THAP4: variants seen among roughly 807,000 people sequenced by gnomAD.
THAP4 encodes the protein THAP domain containing 4.
THAP4 carries 18 observed loss-of-function variants against 48.1 expected under a neutral mutation model. The ratio of observed to expected loss-of-function variants is 0.37; its 90% CI spans 0.26 to 0.56. The LOEUF (loss-of-function observed/expected upper bound fraction) is 0.56. Among genes scored for constraint, THAP4 ranks in the 20% least tolerant of loss-of-function variants. THAP4 has a pLI of 0.78. For missense variants in THAP4, 656 were observed against 774.9 expected (o/e 0.85, Z 1.82); for synonymous variants, 345 against 324.9 (o/e 1.06, Z -0.66).
chr2:241,602,381 T>G (rs1444655038), intron 4 of THAP4, among the ~76,000 whole-genome samples: 21 of 151,696 alleles, frequency 1.4e-4, no homozygotes, highest in Non-Finnish European at 2.7e-4. Context: ...TCTTTTTTTT[T>G]TGAGACAGAA....
intron 1 of THAP4, among the ~76,000 whole-genome samples, chr2:241,634,343 C>T (rs1421821005): frequency 1.3e-5 from 2 of 152,206 alleles, no homozygotes; most frequent in African/African-American, 4.8e-5. Context: ...AACTGCTCCC[C>T]AGGCTGTGGT....
At chr2:241,613,127 C>A (rs1038300215) in intron 2 of THAP4, among the ~76,000 whole-genome samples, 2 of 152,018 alleles carry the variant, frequency 1.3e-5, no homozygotes, top group Non-Finnish European at 2.9e-5. Context: ...TTCGACAGTG[C>A]AGGAATGGAG....
intron 3 of THAP4, 85 bp from the exon 4 acceptor site, chr2:241,603,164 G>A: frequency 9.0e-7 from 1 of 1,112,960 alleles, no homozygotes; most frequent in Admixed American, 1.9e-5. Context: ...TGTCCAGGGT[G>A]CCCTCCAGGT....
At chr2:241,605,467 C>T (rs1048814977) in intron 3 of THAP4, among the ~76,000 whole-genome samples, 9 of 152,176 alleles carry the variant, frequency 5.9e-5, no homozygotes, top group African/African-American at 2.2e-4. Context: ...CAACCACTCC[C>T]CATCCCTGGT....
intron 2 of THAP4, among the ~76,000 whole-genome samples, chr2:241,621,713 T>C (rs2067430979): frequency 6.6e-6 from 1 of 152,168 alleles, no homozygotes. Context: ...CAGAAGTATT[T>C]GAATTAACCA....
intron 5 of THAP4, 75 bp from the exon 6 acceptor site, chr2:241,584,800 C>G (rs568308625): frequency 1.9e-6 from 3 of 1,570,426 alleles, no homozygotes; most frequent in Non-Finnish European, 1.7e-6. Context: ...GCGCCCACTG[C>G]ATGCCACACA....
chr2:241,633,306 G>A lies in THAP4; in HGVS notation c.851C>T (p.Pro284Leu). 1.4e-5 allele frequency: 22 copies of A among 1,612,418 alleles called. No homozygotes were observed. The highest frequency in any genetic ancestry group is 1.9e-5 in the Non-Finnish European group (22 of 1,180,030). ...LGPDKGLAQS[P>L]PSSSLTATPQ... The stretch of plus-strand genomic sequence containing the variant: ...TGTCGCGGTAAGTGATGAGCTGGGA[G>A]GGCTCTGGGCCAGGCCCTTGTCGGG... The change falls in exon 2 of 6, where the codon CCT becomes CTT. Residue 284 changes from proline (P) to leucine (L), a missense_variant. This residue lies in a region of THAP4 where 391 missense variants were observed against 412.4 expected (regional missense o/e 0.95). Transcript: ENST00000407315. The surrounding 1 kb of genome is among the most constrained non-coding windows in gnomAD (Gnocchi z 7.5).
intron 2 of THAP4, among the ~76,000 whole-genome samples, chr2:241,620,792 C>T (rs1430819656): frequency 6.6e-6 from 1 of 152,024 alleles, no homozygotes; most frequent in Non-Finnish European, 1.5e-5. Context: ...TACGATGTTA[C>T]AATGGCTACA....
intron 2 of THAP4, among the ~76,000 whole-genome samples, chr2:241,619,859 TGAGGAG>T (rs2067397217): frequency 2.3e-5 from 1 of 43,918 alleles, no homozygotes; most frequent in African/African-American, 9.6e-5. Flanking sequence ...GAGGGGTGAG[TGAGGAG>T]TCGGTGAGTG....
At chr2:241,599,572 C>A (rs1421123238) in intron 5 of THAP4, among the ~76,000 whole-genome samples, 1 of 152,122 alleles carries the variant, frequency 6.6e-6, no homozygotes, top group Non-Finnish European at 1.5e-5. Flanking sequence ...ATGTACAAGA[C>A]CTGTATAATT....
rs373127738 is a variant in THAP4, at chr2:241,607,979, G to A, written c.1241-1506C>T. On this transcript the variant is annotated intron_variant, in intron 2 of 5. Coordinates refer to ENST00000407315, the MANE Select transcript of THAP4 (RefSeq NM_015963.6). The stretch of plus-strand genomic sequence containing the variant: ...AAGCAGAAGACAGACTGATGGGGAC[G>A]GGATCAGGACTGACCCCCAGTGTCT... 2.7e-3 allele frequency among the ~76,000 whole-genome samples: 312 copies of A among 116,140 alleles called. 2 individuals are homozygous for A. Among genetic ancestry groups the A allele is most frequent in the Middle Eastern group, 6.5e-3 (1 of 154 alleles). The allele number at this position is 116,140 out of a possible 152,430, so 76.2% of individuals were successfully genotyped here.
intron 2 of THAP4, among the ~76,000 whole-genome samples, chr2:241,625,902 A>T (rs1161034543): frequency 1.3e-5 from 2 of 151,870 alleles, no homozygotes; most frequent in Admixed American, 6.6e-5. Context: ...GCGATTGAAT[A>T]AAAAAAATGT....
intron 2 of THAP4, among the ~76,000 whole-genome samples, chr2:241,621,476 T>C (rs1229220577): frequency 1.3e-5 from 2 of 151,890 alleles, no homozygotes; most frequent in African/African-American, 4.8e-5. Flanking sequence ...AAAAAGGAAA[T>C]TGCTGCAAAC....
chr2:241,621,841 G>A (rs1434985675), intron 2 of THAP4, among the ~76,000 whole-genome samples: 1 of 151,740 alleles, frequency 6.6e-6, no homozygotes, highest in Non-Finnish European at 1.5e-5. Context: ...TACTCAAACT[G>A]CAGAAAACCA....
At chr2:241,627,124 T>C (rs2067503931) in intron 2 of THAP4, among the ~76,000 whole-genome samples, 1 of 152,188 alleles carries the variant, frequency 6.6e-6, no homozygotes, top group Admixed American at 6.5e-5. Flanking sequence ...CCCCTATGAT[T>C]AACATCTTGC....
chr2:241,636,272 A>G (rs1348021874), intron 1 of THAP4, among the ~76,000 whole-genome samples: 1 of 152,242 alleles, frequency 6.6e-6, no homozygotes, highest in Non-Finnish European at 1.5e-5. Flanking sequence ...ACATCTCCAA[A>G]GTGGTTTTTA....
At chr2:241,603,910 C>T (rs956209499) in intron 3 of THAP4, among the ~76,000 whole-genome samples, 3 of 151,806 alleles carry the variant, frequency 2.0e-5, no homozygotes, top group African/African-American at 7.3e-5. Context: ...CCCAGCACTT[C>T]AGGGGCCCAG....
chr2:241,620,603 G>GTGAGTGAGGGA (rs1659599006), intron 2 of THAP4, among the ~76,000 whole-genome samples: 1 of 147,296 alleles, frequency 6.8e-6, no homozygotes, highest in Non-Finnish European at 1.5e-5. Flanking sequence ...GAGTGAGTCA[G>GTGAGTGAGGGA]TGAGTGAGGG....
chr2:241,625,797 CAAAAAAAAAAA>C (rs147602587), intron 2 of THAP4, among the ~76,000 whole-genome samples: 1 of 50,156 alleles, frequency 2.0e-5, no homozygotes, highest in African/African-American at 9.4e-5. Flanking sequence ...GACTCCGTCT[CAAAAAAAAAAA>C]AAAAAAAAAA....
Sources: gnomAD v4.1 joint callset for allele counts (sites outside exome capture counted in the v4.1 genomes callset) on GRCh38, gnomAD v4.1.1 for gene constraint, gnomAD v4.1.1 regional missense constraint, Gnocchi (gnomAD v3.1) non-coding constraint, MANE v1.5 for transcripts, NCBI Gene and HGNC (gene_info 2026-07-23, HGNC 2026-07-21) for gene names.